Variants in DYNC1I2 observed in about 807,000 individuals in gnomAD.
The protein encoded by DYNC1I2 is cytoplasmic dynein 1 intermediate chain 2.
In DYNC1I2, 53 loss-of-function variants were observed where a neutral mutation model predicts 88.6. The ratio of observed to expected loss-of-function variants is 0.60; its 90% CI spans 0.48 to 0.75. DYNC1I2 has a LOEUF of 0.75. DYNC1I2 is among the 30% of genes least tolerant of loss of function. DYNC1I2 has a pLI of 0.00. For synonymous variants in DYNC1I2, 198 were observed against 254.6 expected (o/e 0.78, Z 2.12); for missense variants, 458 against 766.6 (o/e 0.60, Z 4.75).
At chr2:171,722,858 G>A (rs998838949) in intron 7 of DYNC1I2, among the ~76,000 whole-genome samples, 2 of 152,094 alleles carry the variant, frequency 1.3e-5, no homozygotes, top group Non-Finnish European at 2.9e-5. Context: ...ACCAATGATA[G>A]TTTTAAAGTC....
intron 3 of DYNC1I2, among the ~76,000 whole-genome samples, chr2:171,703,177 C>T (rs1293770266): frequency 3.3e-5 from 5 of 152,268 alleles, no homozygotes; most frequent in East Asian, 3.9e-4. Flanking sequence ...CATGTCTTAC[C>T]GCCTGGTAAG....
intron 1 of DYNC1I2, chr2:171,688,439 T>C (rs1685136553): frequency 6.6e-6 from 1 of 152,212 alleles, no homozygotes; most frequent in African/African-American, 2.4e-5. Context: ...CTTATTTTAA[T>C]ATCAATTAGT....
At chr2:171,736,013 C>T (rs956195271) in intron 15 of DYNC1I2, among the ~76,000 whole-genome samples, 1 of 152,204 alleles carries the variant, frequency 6.6e-6, no homozygotes, top group African/African-American at 2.4e-5. Context: ...AAATTATTCA[C>T]ACTTTCTGAT....
chr2:171,746,037 A>G (rs1247790981), intron 17 of DYNC1I2, 110 bp downstream of exon 17: 4 of 1,155,692 alleles, frequency 3.5e-6, no homozygotes, highest in African/African-American at 3.0e-5. Context: ...TTTAAACTAT[A>G]TGGTTGTAAA....
chr2:171,726,796 G>A lies in DYNC1I2; in HGVS notation c.876G>A (p.Pro292=), dbSNP rs752311418. 29 of 1,612,636 alleles carry A rather than the reference G, an allele frequency of 1.8e-5. No homozygotes were observed. The highest frequency in any genetic ancestry group is 6.7e-5 in the Admixed American group (4 of 59,936). The change falls in exon 11 of 18, where the codon CCG becomes CCA. Residue 292 remains proline (P), a synonymous_variant. Coordinates refer to ENST00000397119, the MANE Select transcript of DYNC1I2 (RefSeq NM_001378.3). ...TTCTTGATTCTTCTGAGCAGTATCC[G>A]GAGTTACTCGTGGCTTCCTATAACA... The part of the protein sequence containing the change: ...VSCLDWSSQY[P]ELLVASYNNN...
chr2:171,716,917 A>G (rs1334288267), intron 7 of DYNC1I2, among the ~76,000 whole-genome samples: 2 of 138,682 alleles, frequency 1.4e-5, no homozygotes, highest in African/African-American at 5.4e-5. Flanking sequence ...AAAAAAAAAA[A>G]GAAAATTAGG....
intron 1 of DYNC1I2, among the ~76,000 whole-genome samples, chr2:171,688,946 A>G (rs941507939): frequency 6.6e-6 from 1 of 152,184 alleles, no homozygotes; most frequent in Admixed American, 6.5e-5. Context: ...CAATAAGTCA[A>G]TCATGTGGAG....
intron 15 of DYNC1I2, 40 bp from the exon 16 acceptor site, chr2:171,744,009 C>T (rs768537053): frequency 1.3e-6 from 2 of 1,541,404 alleles, no homozygotes; most frequent in South Asian, 2.6e-5. Context: ...ATTTGTATGT[C>T]ATATATGGAC....
At position 171,715,449 on chromosome 2, in the gene DYNC1I2, T is replaced by C; in HGVS notation, c.511+6T>C. On this transcript the variant is annotated splice_donor_region_variant and intron_variant, in intron 7 of 17. Transcript: ENST00000397119. ...TATGGCTCAACCCAAAGAAGGTGAA[T>C]ATCTATCCTTAGTATAATTGTCATT... 1.3e-6 allele frequency: 2 copies of C among 1,511,472 alleles called. No individual in the cohort carries two copies. Among genetic ancestry groups the C allele is most frequent in the Non-Finnish European group, 1.8e-6 (2 of 1,107,262 alleles). 93.6% of individuals were successfully genotyped at this position (1,511,472 alleles called of 1,614,324 possible). A position where few individuals can be genotyped will look rare whatever the true frequency, so the allele number is the denominator to read the frequency against.
chr2:171,744,288 G>T lies in DYNC1I2; in HGVS notation c.1677+99G>T. The T allele has an allele frequency of 2.4e-6, 3 of 1,268,146 alleles. No individual in the cohort carries two copies. In the East Asian group the frequency reaches 7.7e-5, roughly 33 times the overall value. The allele number at this position is 1,268,146 out of a possible 1,614,324, so 78.6% of individuals were successfully genotyped here. A position where few individuals can be genotyped will look rare whatever the true frequency, so the allele number is the denominator to read the frequency against. On this transcript the variant is annotated intron_variant, in intron 16 of 17. Transcript: ENST00000397119. ...CTTTTTTTCCAAAGAATGTAAAAGG[G>T]TTCTGTGATTGTAGATTCATCACAA...
At chr2:171,728,104 A>T in intron 12 of DYNC1I2, 137 bp downstream of exon 12, 1 of 1,132,694 alleles carries the variant, frequency 8.8e-7, no homozygotes, top group Non-Finnish European at 1.2e-6. Context: ...GCAACCAAGA[A>T]TGAAGGCTAT....
chr2:171,719,699 C>A (rs137931385), intron 7 of DYNC1I2, among the ~76,000 whole-genome samples: 193 of 152,260 alleles, frequency 1.3e-3, no homozygotes, highest in African/African-American at 4.5e-3. Flanking sequence ...AATGGCCAAG[C>A]CTATTCCTTT....
rs767690037 is a variant in DYNC1I2 at position 171,744,183 on chromosome 2, C to T, written c.1671C>T (p.Asp557=). The T allele has an allele frequency of 3.1e-6, 5 of 1,596,406 alleles. No homozygotes were observed. In the Admixed American group the frequency reaches 5.4e-5, roughly 17 times the overall value. Residue 557 remains aspartate, a synonymous_variant, in exon 16 of 18, where the codon GAC becomes GAT. Coordinates refer to ENST00000397119, the MANE Select transcript of DYNC1I2 (RefSeq NM_001378.3). ...GRLDLWNLNN[D]TEVPTASISV... ...TGGATTTGTGGAATCTCAATAATGA[C>T]ACAGAGGTGAGCAGGAAAATAACAA...
intron 3 of DYNC1I2, among the ~76,000 whole-genome samples, chr2:171,699,773 A>G (rs1387383851): frequency 6.6e-6 from 1 of 151,760 alleles, no homozygotes; most frequent in African/African-American, 2.4e-5. Flanking sequence ...AGTAGCTGGG[A>G]CTACAGGCAG....
intron 7 of DYNC1I2, among the ~76,000 whole-genome samples, chr2:171,716,439 T>G (rs1574566538): frequency 6.6e-6 from 1 of 152,200 alleles, no homozygotes; most frequent in African/African-American, 2.4e-5. Flanking sequence ...TAAATTAATG[T>G]ATTTTTAAAT....
At chr2:171,726,161 C>A in intron 9 of DYNC1I2, 33 bp from the exon 10 acceptor site, 1 of 1,585,776 alleles carries the variant, frequency 6.3e-7, no homozygotes, top group East Asian at 2.3e-5. Flanking sequence ...GTTATAACAC[C>A]ATCTTTTTGG....
intron 17 of DYNC1I2, 82 bp downstream of exon 17, chr2:171,746,009 T>C: frequency 6.7e-7 from 1 of 1,501,308 alleles, no homozygotes; most frequent in Non-Finnish European, 9.2e-7. Context: ...AACCCTAGGC[T>C]TTGAGGTTTA....
chr2:171,721,063 G>A (rs1453447765), intron 7 of DYNC1I2, among the ~76,000 whole-genome samples: 2 of 143,170 alleles, frequency 1.4e-5, no homozygotes, highest in African/African-American at 5.2e-5. Context: ...GAGACAGGAG[G>A]ATCACTAGAG....
chr2:171,739,696 C>CTTTTT (rs201750115), intron 15 of DYNC1I2, among the ~76,000 whole-genome samples: 1 of 65,040 alleles, frequency 1.5e-5, no homozygotes, highest in African/African-American at 5.7e-5. Context: ...TGACATATCT[C>CTTTTT]TTTTTTTTTT....
Sources: allele counts gnomAD v4.1 joint callset (sites outside exome capture counted in the v4.1 genomes callset), GRCh38; gene constraint gnomAD v4.1.1; transcripts MANE v1.5; gene names NCBI Gene and HGNC (gene_info 2026-07-23, HGNC 2026-07-21).